Variants in DHX57 observed in about 807,000 individuals in gnomAD.
The protein encoded by DHX57 is DExH-box helicase 57, also known as putative ATP-dependent RNA helicase DHX57.
In DHX57, 105 loss-of-function variants were observed where a neutral mutation model predicts 156.2. That is an observed-to-expected ratio of 0.67 (90% CI 0.57 to 0.79). DHX57 has a LOEUF of 0.79. DHX57 is among the 30% of genes least tolerant of loss of function. DHX57 has a pLI of 0.00. For missense variants in DHX57, 1,847 were observed against 1,661.9 expected (o/e 1.11, Z -1.94); for synonymous variants, 704 against 595.6 (o/e 1.18, Z -2.65).
chr2:38,844,899 A>G (rs897192677), intron 11 of DHX57, among the ~76,000 whole-genome samples: 1 of 152,200 alleles, frequency 6.6e-6, no homozygotes, highest in African/African-American at 2.4e-5. Flanking sequence ...GGGTCAGATG[A>G]TATGGGCCTT....
chr2:38,830,161 TTATTC>T (rs1671306203), intron 13 of DHX57, among the ~76,000 whole-genome samples: 3 of 152,328 alleles, frequency 2.0e-5, no homozygotes, highest in Middle Eastern at 3.4e-3. Context: ...TCATGACCTA[TTATTC>T]AGTCATAGTT....
intron 13 of DHX57, among the ~76,000 whole-genome samples, chr2:38,832,295 C>T (rs1671420652): frequency 6.6e-6 from 1 of 151,696 alleles, no homozygotes; most frequent in South Asian, 2.1e-4. Context: ...CAAAAATTAG[C>T]TGGGTGTGGT....
At chr2:38,859,817 C>CAT (rs1553335305) in intron 5 of DHX57, among the ~76,000 whole-genome samples, 1 of 135,684 alleles carries the variant, frequency 7.4e-6, no homozygotes, top group East Asian at 2.2e-4. Context: ...AAAGAGGATC[C>CAT]TTTTTTTTTT....
At position 38,862,118 on chromosome 2, in the gene DHX57, A is replaced by C. The variant is rs1346820491; in HGVS notation, c.572+27T>G. ...TTCGGTTTCCTTGAATTCTTTCCCA[A>C]CTCCCATAAATGATCAAAGCAATCA... On this transcript the variant is annotated intron_variant, in intron 4 of 23. Transcript: ENST00000457308. 3.9e-6 allele frequency: 6 copies of C among 1,552,368 alleles called. No individual in the cohort carries two copies. In the South Asian group the frequency reaches 6.1e-5, roughly 16 times the overall value.
intron 23 of DHX57, 47 bp downstream of exon 23, chr2:38,802,668 G>A: frequency 6.2e-7 from 1 of 1,604,856 alleles, no homozygotes; most frequent in South Asian, 1.1e-5. Context: ...TATTGTCAAA[G>A]CCCCTCATGG....
intron 2 of DHX57, among the ~76,000 whole-genome samples, chr2:38,865,260 C>A (rs895834266): frequency 6.6e-6 from 1 of 152,074 alleles, no homozygotes; most frequent in Non-Finnish European, 1.5e-5. Context: ...GGGAGGGAAC[C>A]GGTTGGAGGT....
chr2:38,840,705 GGGGGTCCCA>G (rs1671949318), intron 12 of DHX57, among the ~76,000 whole-genome samples: 2 of 152,248 alleles, frequency 1.3e-5, no homozygotes, highest in Admixed American at 1.3e-4. Flanking sequence ...TCCTTAAAAA[GGGGGTCCCA>G]AAGGTACTTT....
chr2:38,826,231 G>A (rs1671080516), intron 15 of DHX57, among the ~76,000 whole-genome samples, 184 bp from the exon 16 acceptor site: 1 of 152,160 alleles, frequency 6.6e-6, no homozygotes, highest in African/African-American at 2.4e-5. Flanking sequence ...CAAGTGCAGA[G>A]TTTCCCAAAC....
chr2:38,871,613 C>G (rs1665356745), intron 1 of DHX57, among the ~76,000 whole-genome samples: 1 of 152,078 alleles, frequency 6.6e-6, no homozygotes, highest in Middle Eastern at 3.4e-3. Flanking sequence ...ATGCTGGCAT[C>G]TGCGTAGTGT....
chr2:38,849,474 G>A (rs2124897618), intron 9 of DHX57, among the ~76,000 whole-genome samples: 1 of 152,148 alleles, frequency 6.6e-6, no homozygotes, highest in East Asian at 1.9e-4. Flanking sequence ...CAGTTTGGGA[G>A]GCTGAGGTGG....
chr2:38,825,342 G>T (rs778611871), intron 16 of DHX57, among the ~76,000 whole-genome samples: 4 of 151,988 alleles, frequency 2.6e-5, no homozygotes, highest in Non-Finnish European at 4.4e-5. Flanking sequence ...TCACTCTGTT[G>T]CCCAGGCTGG....
rs1395102083 is a variant in DHX57 at position 38,806,525 on chromosome 2, C to A, written c.3816+34G>T. The A allele has an allele frequency of 2.5e-6, 4 of 1,606,654 alleles. No homozygotes were observed. The East Asian group carries it at 6.7e-5, about 27-fold the overall frequency. On this transcript the variant is annotated intron_variant, in intron 22 of 23. Transcript: ENST00000457308. ...AATTGCATTTCCTACCCCAGGACGACCTGTAAACATTAAGTATACTCCACC... is the reference window on the plus strand; with the variant it reads ...AATTGCATTTCCTACCCCAGGACGAACTGTAAACATTAAGTATACTCCACC...
At chr2:38,807,087 C>T (rs1310837880) in intron 21 of DHX57, among the ~76,000 whole-genome samples, 1 of 151,626 alleles carries the variant, frequency 6.6e-6, no homozygotes, top group Non-Finnish European at 1.5e-5. Flanking sequence ...CCGAGTCTCA[C>T]TCTGTCTCTC....
At chr2:38,836,721 C>G (rs1671679898) in intron 13 of DHX57, among the ~76,000 whole-genome samples, 2 of 145,012 alleles carry the variant, frequency 1.4e-5, no homozygotes, top group Non-Finnish European at 3.0e-5. Flanking sequence ...TTACAGTGAG[C>G]TGACATCATG....
intron 2 of DHX57, among the ~76,000 whole-genome samples, chr2:38,864,418 T>C (rs1236495059): frequency 6.6e-6 from 1 of 152,038 alleles, no homozygotes; most frequent in African/African-American, 2.4e-5. Context: ...ACACAGCATA[T>C]ATAATCTCTT....
intron 2 of DHX57, among the ~76,000 whole-genome samples, chr2:38,863,980 A>T (rs923418687): frequency 1.3e-4 from 20 of 151,978 alleles, no homozygotes; most frequent in African/African-American, 4.6e-4. Context: ...CCACTGCACT[A>T]CAGCCTGGGC....
intron 22 of DHX57, among the ~76,000 whole-genome samples, chr2:38,804,143 A>G (rs1669829528): frequency 6.6e-6 from 1 of 152,138 alleles, no homozygotes; most frequent in Admixed American, 6.6e-5. Context: ...CCCCACTTCT[A>G]GTTTTGCATT....
intron 1 of DHX57, among the ~76,000 whole-genome samples, chr2:38,869,205 C>T (rs1446642592): frequency 6.6e-6 from 1 of 152,198 alleles, no homozygotes; most frequent in Non-Finnish European, 1.5e-5. Context: ...ACAGCTTGGG[C>T]TCAGAGATTC....
In DHX57 at chr2:38,847,132, A is replaced by G. The variant is rs1672330776; in HGVS notation, c.2165-59T>C. ...AGAACACCCATTCAACCATCTTGAAATAGTTTATATATATAAAATTCTCTT... is the reference window on the plus strand; with the variant it reads ...AGAACACCCATTCAACCATCTTGAAGTAGTTTATATATATAAAATTCTCTT... On this transcript the variant is annotated intron_variant, in intron 10 of 23. Transcript: ENST00000457308. 16 of 1,284,790 alleles carry G rather than the reference A, an allele frequency of 1.2e-5. No homozygotes were observed. The South Asian group carries it at 1.9e-4, about 15-fold the overall frequency. 79.6% of individuals were successfully genotyped at this position (1,284,790 alleles called of 1,614,324 possible).
Sources: gnomAD v4.1 joint callset for allele counts (sites outside exome capture counted in the v4.1 genomes callset) on GRCh38, gnomAD v4.1.1 for gene constraint, MANE v1.5 for transcripts, NCBI Gene and HGNC (gene_info 2026-07-23, HGNC 2026-07-21) for gene names.